Variants in MACROD2 observed in about 807,000 individuals in gnomAD.
MACROD2 encodes the protein mono-ADP ribosylhydrolase 2, also known as ADP-ribose glycohydrolase MACROD2.
A neutral mutation model predicts 70.4 loss-of-function variants in MACROD2; 36 were observed. The ratio of observed to expected loss-of-function variants is 0.51; its 90% CI spans 0.39 to 0.68. The LOEUF (loss-of-function observed/expected upper bound fraction) is 0.68, where lower values mean the gene tolerates loss of function less well. Among genes scored for constraint, MACROD2 ranks in the 30% least tolerant of loss-of-function variants. The probability of loss-of-function intolerance (pLI) is 0.00; values close to 1 mark genes in which losing one functional copy is unlikely to be tolerated. For missense variants in MACROD2, 496 were observed against 538.4 expected (o/e 0.92, Z 0.78); for synonymous variants, 172 against 178.8 (o/e 0.96, Z 0.30).
intron 8 of MACROD2, among the ~76,000 whole-genome samples, chr20:15,526,026 G>C: frequency 6.6e-6 from 1 of 152,108 alleles, no homozygotes; most frequent in East Asian, 1.9e-4. Context: ...AAAATAAAAA[G>C]ATGTTTTTCT....
At chr20:15,122,005 T>A (rs1023091008) in intron 5 of MACROD2, among the ~76,000 whole-genome samples, 11 of 152,308 alleles carry the variant, frequency 7.2e-5, no homozygotes, top group African/African-American at 2.6e-4. Flanking sequence ...AGCTACATAT[T>A]TAAATACACT....
intron 5 of MACROD2, among the ~76,000 whole-genome samples, chr20:15,168,734 A>G (rs2076403553): frequency 6.6e-6 from 1 of 152,096 alleles, no homozygotes; most frequent in Admixed American, 6.6e-5. Context: ...GTAGTCCCAG[A>G]TACTTGGGAG....
chr20:15,000,616 C>T (rs1177573391), intron 5 of MACROD2, among the ~76,000 whole-genome samples: 1 of 91,774 alleles, frequency 1.1e-5, no homozygotes, highest in East Asian at 3.0e-4. Flanking sequence ...GGCGACAGAG[C>T]GAGACTCCGT....
At chr20:14,193,632 A>G (rs543061078) in intron 3 of MACROD2, among the ~76,000 whole-genome samples, 1 of 152,210 alleles carries the variant, frequency 6.6e-6, no homozygotes, top group Admixed American at 6.5e-5. Flanking sequence ...TAAGAACTTG[A>G]GTCCTGCAGG....
chr20:14,157,663 A>G (rs1263217082), intron 3 of MACROD2, among the ~76,000 whole-genome samples: 1 of 152,102 alleles, frequency 6.6e-6, no homozygotes, highest in Non-Finnish European at 1.5e-5. Context: ...CCCACATATG[A>G]TTGAGAATAT....
chr20:15,379,719 A>T (rs1340042528), intron 6 of MACROD2, among the ~76,000 whole-genome samples: 2 of 152,050 alleles, frequency 1.3e-5, no homozygotes, highest in Non-Finnish European at 2.9e-5. Flanking sequence ...TTTTTTATTG[A>T]ATTTATGTAA....
At chr20:15,681,721 G>A (rs188912837) in intron 8 of MACROD2, among the ~76,000 whole-genome samples, 113 of 152,124 alleles carry the variant, frequency 7.4e-4, no homozygotes, top group Middle Eastern at 6.8e-3. Flanking sequence ...TACATTTTTT[G>A]TTCTCATTTA....
At chr20:15,229,912 C>T in intron 5 of MACROD2, 28 bp from the exon 6 acceptor site, 1 of 1,572,696 alleles carries the variant, frequency 6.4e-7, no homozygotes, top group Non-Finnish European at 8.6e-7. Context: ...CTCGCTTATC[C>T]TCTTTTTCCT....
At chr20:15,777,810 A>G (rs572784815) in intron 8 of MACROD2, among the ~76,000 whole-genome samples, 2 of 152,044 alleles carry the variant, frequency 1.3e-5, no homozygotes, top group South Asian at 2.1e-4. Context: ...ACACATGGCT[A>G]ATTTTTGTAT....
At chr20:14,877,732 A>T (rs761846473) in intron 5 of MACROD2, among the ~76,000 whole-genome samples, 1 of 152,066 alleles carries the variant, frequency 6.6e-6, no homozygotes, top group Non-Finnish European at 1.5e-5. Context: ...TGAGAGGATC[A>T]TATGGTTTTT....
chr20:15,481,697 A>C (rs74685153), intron 7 of MACROD2, among the ~76,000 whole-genome samples: 11 of 151,948 alleles, frequency 7.2e-5, no homozygotes, highest in African/African-American at 1.9e-4. Context: ...AAAAAAAAAA[A>C]CTAATATTTA....
At chr20:15,133,118 T>G (rs1346378803) in intron 5 of MACROD2, among the ~76,000 whole-genome samples, 1 of 152,072 alleles carries the variant, frequency 6.6e-6, no homozygotes, top group Non-Finnish European at 1.5e-5. Flanking sequence ...TTTTGCTAAA[T>G]GTACTTAGAA....
chr20:14,263,723 G>C (rs1232197467), intron 3 of MACROD2, among the ~76,000 whole-genome samples: 1 of 152,046 alleles, frequency 6.6e-6, no homozygotes, highest in African/African-American at 2.4e-5. Context: ...CACTTTGGGA[G>C]GCCAAGGTGA....
chr20:15,012,821 T>G (rs548154616), intron 5 of MACROD2, among the ~76,000 whole-genome samples: 3 of 152,228 alleles, frequency 2.0e-5, no homozygotes, highest in East Asian at 1.9e-4. Context: ...CGTCCCAGTC[T>G]CAGAAGCACA....
chr20:15,486,685 T>A (rs1033509798), intron 7 of MACROD2, among the ~76,000 whole-genome samples: 2 of 152,138 alleles, frequency 1.3e-5, no homozygotes, highest in African/African-American at 4.8e-5. Flanking sequence ...GCAGAGAATA[T>A]TTTTACCTTG....
intron 3 of MACROD2, among the ~76,000 whole-genome samples, chr20:14,463,742 G>A (rs2084402104): frequency 2.0e-5 from 3 of 151,906 alleles, no homozygotes; most frequent in African/African-American, 2.4e-5. Flanking sequence ...TTTTAGCATG[G>A]AGGGTTTTTG....
At chr20:15,354,598 A>G (rs1041576748) in intron 6 of MACROD2, among the ~76,000 whole-genome samples, 6 of 152,190 alleles carry the variant, frequency 3.9e-5, no homozygotes, top group Non-Finnish European at 8.8e-5. Flanking sequence ...ATAAAATTAT[A>G]TCTATCGGCC....
At chr20:14,690,582 C>T (rs941488391) in intron 5 of MACROD2, among the ~76,000 whole-genome samples, 2 of 152,136 alleles carry the variant, frequency 1.3e-5, no homozygotes, top group African/African-American at 4.8e-5. Flanking sequence ...TCTTACAACA[C>T]AAAGAGAAAT....
At chr20:15,599,620 G>A (rs1600650933) in intron 8 of MACROD2, among the ~76,000 whole-genome samples, 1 of 152,284 alleles carries the variant, frequency 6.6e-6, no homozygotes, top group Non-Finnish European at 1.5e-5. Context: ...AACCAAATAA[G>A]CTAATGAAGG....
Sources: gnomAD v4.1 joint callset for allele counts (sites outside exome capture counted in the v4.1 genomes callset) on GRCh38, gnomAD v4.1.1 for gene constraint, MANE v1.5 for transcripts, NCBI Gene and HGNC (gene_info 2026-07-23, HGNC 2026-07-21) for gene names.